The following CA10 variants were observed in gnomAD, a reference collection of about 807,000 sequenced individuals.
CA10 encodes carbonic anhydrase-related protein 10.
In CA10, 14 loss-of-function variants were observed where a neutral mutation model predicts 44.2. The ratio of observed to expected loss-of-function variants is 0.32; its 90% CI spans 0.21 to 0.50. The LOEUF is 0.50. CA10 is among the 20% of genes least tolerant of loss of function. CA10 has a pLI of 0.99. For missense variants in CA10, 350 were observed against 409.7 expected (o/e 0.85, Z 1.26); for synonymous variants, 159 against 141.6 (o/e 1.12, Z -0.87).
At chr17:51,703,618 G>C (rs1915670036) in intron 4 of CA10, among the ~76,000 whole-genome samples, 1 of 152,150 alleles carries the variant, frequency 6.6e-6, no homozygotes, top group African/African-American at 2.4e-5. Context: ...TGACACTCAA[G>C]TAATATTTCA....
chr17:51,718,958 C>T (rs1034284835), intron 4 of CA10, among the ~76,000 whole-genome samples: 23 of 152,184 alleles, frequency 1.5e-4, no homozygotes, highest in African/African-American at 5.5e-4. Context: ...TATACCTCTA[C>T]TTATAGCACA....
chr17:52,005,227 T>A (rs1391751158), intron 2 of CA10, among the ~76,000 whole-genome samples: 2 of 151,928 alleles, frequency 1.3e-5, no homozygotes, highest in African/African-American at 2.4e-5. Flanking sequence ...TAAAATCATT[T>A]AAAAATCTAT....
At chr17:51,667,253 A>T (rs1357418989) in intron 4 of CA10, among the ~76,000 whole-genome samples, 1 of 152,196 alleles carries the variant, frequency 6.6e-6, no homozygotes, top group Non-Finnish European at 1.5e-5. Context: ...CTCAGAATCC[A>T]GCTCTCCCCC....
intron 3 of CA10, among the ~76,000 whole-genome samples, chr17:51,916,960 C>T (rs182297158): frequency 1.3e-5 from 2 of 152,254 alleles, no homozygotes; most frequent in African/African-American, 4.8e-5. Flanking sequence ...ACACCAGCTA[C>T]AATAGTTGGT....
chr17:51,885,394 C>G (rs1291250707), intron 3 of CA10, among the ~76,000 whole-genome samples: 2 of 152,178 alleles, frequency 1.3e-5, no homozygotes, highest in Non-Finnish European at 2.9e-5. Context: ...CCCTCAGTAT[C>G]TCCTGTTTCT....
At chr17:51,996,721 A>G (rs1985249921) in intron 2 of CA10, among the ~76,000 whole-genome samples, 1 of 151,978 alleles carries the variant, frequency 6.6e-6, no homozygotes, top group African/African-American at 2.4e-5. Context: ...TATTCAGTTG[A>G]TCAGAAATCA....
rs560822294 is a variant in CA10, at chr17:52,115,666, C to T, written c.61+42060G>A. 3.3e-5 allele frequency among the ~76,000 whole-genome samples: 5 copies of T among 152,368 alleles called. No individual in the cohort carries two copies. In the East Asian group the frequency reaches 9.7e-4, roughly 29 times the overall value. On this transcript the variant is annotated intron_variant, in intron 1 of 8. Transcript: ENST00000451037. ...ATGGGTGAGCAGCAGCTCCCCGCCC[C>T]CCTCCCCTCTCGGTTGGGGCTGGGG... is the stretch of plus-strand genomic sequence containing the variant.
chr17:52,043,274 T>C (rs1267950378), intron 2 of CA10, among the ~76,000 whole-genome samples: 3 of 152,246 alleles, frequency 2.0e-5, no homozygotes, highest in Non-Finnish European at 2.9e-5. Flanking sequence ...GTTTGCACTA[T>C]AGATCTTTTA....
intron 2 of CA10, among the ~76,000 whole-genome samples, chr17:51,974,102 TA>T (rs1387828146): frequency 6.6e-6 from 1 of 152,110 alleles, no homozygotes; most frequent in African/African-American, 2.4e-5. Context: ...AAAGAAATTA[TA>T]GGCTGGGCGC....
chr17:51,814,131 G>A (rs916220248), intron 3 of CA10, among the ~76,000 whole-genome samples: 8 of 152,156 alleles, frequency 5.3e-5, no homozygotes, highest in African/African-American at 9.7e-5. Context: ...ACCTCTTGGG[G>A]CCTCAGTTAC....
chr17:52,005,048 C>T (rs1209849059), intron 2 of CA10, among the ~76,000 whole-genome samples: 3 of 151,746 alleles, frequency 2.0e-5, no homozygotes, highest in East Asian at 1.9e-4. Context: ...GAACTTCAAT[C>T]GTATATTAGC....
At chr17:51,734,183 G>GT (rs1916819007) in intron 4 of CA10, among the ~76,000 whole-genome samples, 1 of 146,534 alleles carries the variant, frequency 6.8e-6, no homozygotes, top group South Asian at 2.4e-4. Flanking sequence ...TTGGTTGGGG[G>GT]GGGGGGGTTC....
intron 4 of CA10, among the ~76,000 whole-genome samples, chr17:51,719,805 T>A (rs950266181): frequency 3.3e-5 from 5 of 151,980 alleles, no homozygotes; most frequent in Non-Finnish European, 7.4e-5. Flanking sequence ...GGGGGGTGTA[T>A]CACAAGCCCA....
chr17:51,744,069 C>T (rs1181970744), intron 4 of CA10, among the ~76,000 whole-genome samples: 1 of 152,154 alleles, frequency 6.6e-6, no homozygotes, highest in Non-Finnish European at 1.5e-5. Flanking sequence ...CCTGTAATCT[C>T]AGCACTTCGG....
chr17:51,655,162 G>A (rs1253572112), intron 4 of CA10, among the ~76,000 whole-genome samples: 5 of 152,124 alleles, frequency 3.3e-5, no homozygotes, highest in Non-Finnish European at 7.4e-5. Flanking sequence ...AATGCATATA[G>A]ATCTCCCCAA....
At chr17:52,020,101 G>A (rs1986089439) in intron 2 of CA10, among the ~76,000 whole-genome samples, 2 of 151,840 alleles carry the variant, frequency 1.3e-5, no homozygotes, top group South Asian at 4.2e-4. Context: ...TACAAATTTA[G>A]AACTGTTATA....
intron 2 of CA10, among the ~76,000 whole-genome samples, chr17:52,023,597 A>T (rs1369172474): frequency 6.6e-6 from 1 of 152,106 alleles, no homozygotes; most frequent in East Asian, 1.9e-4. Flanking sequence ...ATTGCAACAA[A>T]AAAACCTCCA....
chr17:51,975,717 G>A (rs1048415563), intron 2 of CA10, among the ~76,000 whole-genome samples: 5 of 151,902 alleles, frequency 3.3e-5, no homozygotes, highest in African/African-American at 1.2e-4. Context: ...ACAAAAATTA[G>A]CTGGGTGTGG....
intron 3 of CA10, among the ~76,000 whole-genome samples, chr17:51,809,490 G>T (rs1394007566): frequency 6.6e-6 from 1 of 152,190 alleles, no homozygotes; most frequent in East Asian, 1.9e-4. Flanking sequence ...CCCACAGAAG[G>T]ACAGTGCTAG....
Sources: allele counts gnomAD v4.1 joint callset (sites outside exome capture counted in the v4.1 genomes callset), GRCh38; gene constraint gnomAD v4.1.1; transcripts MANE v1.5; gene names NCBI Gene and HGNC (gene_info 2026-07-23, HGNC 2026-07-21).